Variants in ERAP1 observed in about 807,000 individuals in gnomAD.
ERAP1 encodes adipocyte-derived leucine aminopeptidase.
A neutral mutation model predicts 103.7 loss-of-function variants in ERAP1; 86 were observed. The observed-to-expected ratio is 0.83, with a 90% CI of 0.70 to 0.99. ERAP1 has a LOEUF of 0.99. Among genes scored for constraint, ERAP1 ranks in the 50% least tolerant of loss-of-function variants. The pLI is 0.00. For synonymous variants in ERAP1, 398 were observed against 402.4 expected, an observed-to-expected ratio of 0.99 and a Z score of 0.13; for missense variants, 1,009 against 1,128.4, an observed-to-expected ratio of 0.89 and a Z score of 1.52.
At chr5:96,900,081 G>C in the ERAP1 span, 40 of 1,612,206 alleles carry the variant, frequency 2.5e-5, no homozygotes, top group African/African-American at 5.3e-4. Context: ...GCCAACTAAT[G>C]ATGCCTACAT....
chr5:96,871,347 T>A, the ERAP1 span, among the ~76,000 whole-genome samples: 1 of 152,222 alleles, frequency 6.6e-6, no homozygotes, highest in East Asian at 1.9e-4. Context: ...CTTTTGTTCA[T>A]CTTTTTTTGG....
chr5:96,856,392 A>AGAGAGG, the ERAP1 span, among the ~76,000 whole-genome samples: 1 of 127,924 alleles, frequency 7.8e-6, no homozygotes, highest in Non-Finnish European at 1.7e-5. Context: ...AGAGAGAGAG[A>AGAGAGG]GAGCAAATAC....
the ERAP1 span, chr5:96,917,370 C>T: frequency 1.2e-4 from 155 of 1,254,514 alleles, no homozygotes; most frequent in African/African-American, 2.0e-3. Flanking sequence ...ATCTGCCCAC[C>T]TTGGCCTCCC....
At chr5:96,797,780 C>A (rs1207341041) in intron 3 of ERAP1, among the ~76,000 whole-genome samples, 9 of 152,130 alleles carry the variant, frequency 5.9e-5, no homozygotes, top group Admixed American at 5.9e-4. Context: ...AATTCATATA[C>A]CATACAACTT....
In ERAP1 at chr5:96,775,795, C is replaced by T; in HGVS notation, c.*601G>A. On this transcript the variant is annotated 3_prime_UTR_variant, in exon 19 of 19. Coordinates refer to ENST00000443439, the MANE Select transcript of ERAP1 (RefSeq NM_001040458.3). ...ATCCCGCAAGGGAATCAGGGAAGAA[C>T]ACCTCCACCTACTACCTCCTCCGAC... 3.8e-6 allele frequency: 1 copy of T among 264,956 alleles called. No homozygotes were observed. Among genetic ancestry groups the T allele is most frequent in the Non-Finnish European group, 5.9e-6 (1 of 170,676 alleles). 16.4% of individuals were successfully genotyped at this position (264,956 alleles called of 1,614,324 possible).
At chr5:96,859,766 C>T in the ERAP1 span, among the ~76,000 whole-genome samples, 5 of 152,246 alleles carry the variant, frequency 3.3e-5, no homozygotes, top group South Asian at 8.3e-4. Context: ...CTAAGCAAGC[C>T]TAGTAGTACT....
the ERAP1 span, chr5:96,873,312 G>A: frequency 2.8e-5 from 13 of 456,196 alleles, no homozygotes; most frequent in African/African-American, 6.0e-5. Context: ...TATGATGTGC[G>A]CAACACTGAT....
At chr5:96,845,453 T>C in the ERAP1 span, among the ~76,000 whole-genome samples, 1 of 152,184 alleles carries the variant, frequency 6.6e-6, no homozygotes, top group African/African-American at 2.4e-5. Flanking sequence ...TAGGCTGGTG[T>C]TGAACTCCTG....
rs1561658105 is a variant in ERAP1 at position 96,776,357 on chromosome 5, G to GTGAT, written c.*35_*38dup. The GTGAT allele has an allele frequency of 1.3e-6, 2 of 1,585,830 alleles. No homozygotes were observed. Among genetic ancestry groups the GTGAT allele is most frequent in the Non-Finnish European group, 8.6e-7 (1 of 1,166,172 alleles). On this transcript the variant is annotated 3_prime_UTR_variant, in exon 19 of 19. Transcript: ENST00000443439. ...TGAAAATACACTCAACAAAATGTTG[G>GTGAT]TGATTAGAGATAACAGGAACCTGGC... is the stretch of plus-strand genomic sequence containing the variant.
At chr5:96,851,326 C>T in the ERAP1 span, among the ~76,000 whole-genome samples, 1 of 152,160 alleles carries the variant, frequency 6.6e-6, no homozygotes, top group South Asian at 2.1e-4. Flanking sequence ...CACTGTGCTT[C>T]ACTCACATCC....
chr5:96,894,725 A>C, the ERAP1 span, among the ~76,000 whole-genome samples: 1 of 152,228 alleles, frequency 6.6e-6, no homozygotes, highest in African/African-American at 2.4e-5. Flanking sequence ...AGAGGTTAAC[A>C]ACTGAATTTG....
chr5:96,778,931 TATG>T (rs1412862287), intron 18 of ERAP1, among the ~76,000 whole-genome samples: 1 of 152,156 alleles, frequency 6.6e-6, no homozygotes, highest in African/African-American at 2.4e-5. Flanking sequence ...TGCTCTCCAT[TATG>T]ATAACATCTC....
At chr5:96,914,088 G>T in the ERAP1 span, among the ~76,000 whole-genome samples, 1 of 151,532 alleles carries the variant, frequency 6.6e-6, no homozygotes, top group African/African-American at 2.4e-5. Flanking sequence ...ATAATGATTA[G>T]ATTTTGTTGG....
At position 96,762,361 on chromosome 5, in the gene ERAP1, C is replaced by T. The variant is rs1224971830; in HGVS notation, c.*839G>A. 1.3e-5 allele frequency: 21 copies of T among 1,594,984 alleles called. No homozygotes were observed. Among genetic ancestry groups the T allele is most frequent in the South Asian group, 1.1e-5 (1 of 87,874 alleles). ...AACGACCCAAGCTGGAGCCCCACCC[C>T]GTGATACCTCGGTAAGCAGCACATC... On this transcript the variant is annotated 3_prime_UTR_variant, in exon 20 of 20. Coordinates refer to the ERAP1 transcript ENST00000296754.
the ERAP1 span, among the ~76,000 whole-genome samples, chr5:96,882,177 G>A: frequency 6.6e-6 from 1 of 152,080 alleles, no homozygotes; most frequent in Admixed American, 6.6e-5. Context: ...GCACAGTATT[G>A]GATAGGAAAA....
At chr5:96,842,690 G>C in the ERAP1 span, among the ~76,000 whole-genome samples, 1 of 151,972 alleles carries the variant, frequency 6.6e-6, no homozygotes, top group Non-Finnish European at 1.5e-5. Flanking sequence ...TCTTTTTCTG[G>C]TATATAGCAT....
chr5:96,848,089 C>A, the ERAP1 span, among the ~76,000 whole-genome samples: 1 of 152,092 alleles, frequency 6.6e-6, no homozygotes, highest in African/African-American at 2.4e-5. Flanking sequence ...TACTCTTTTG[C>A]CCAGGCTGGA....
At chr5:96,889,816 C>G in the ERAP1 span, among the ~76,000 whole-genome samples, 2 of 133,774 alleles carry the variant, frequency 1.5e-5, no homozygotes, top group Non-Finnish European at 3.1e-5. Flanking sequence ...AATGGATTTT[C>G]CATTAAAAAA....
At chr5:96,898,025 G>A in the ERAP1 span, among the ~76,000 whole-genome samples, 1 of 151,998 alleles carries the variant, frequency 6.6e-6, no homozygotes, top group South Asian at 2.1e-4. Flanking sequence ...GTGGAACCCC[G>A]TCTGTACTAG....
Sources: gnomAD v4.1 joint callset for allele counts (sites outside exome capture counted in the v4.1 genomes callset) on GRCh38, gnomAD v4.1.1 for gene constraint, MANE v1.5 for transcripts, NCBI Gene and HGNC (gene_info 2026-07-23, HGNC 2026-07-21) for gene names.